Variants in MIA2 observed in about 807,000 individuals in gnomAD.
MIA2 encodes the protein melanoma inhibitory activity protein 2.
In MIA2, 127 loss-of-function variants were observed where a neutral mutation model predicts 167.8. The observed-to-expected ratio is 0.76, with a 90% CI of 0.66 to 0.88. MIA2 has a LOEUF of 0.88. Among genes scored for constraint, MIA2 ranks in the 40% least tolerant of loss-of-function variants. The probability of loss-of-function intolerance (pLI) is 0.00; values close to 1 mark genes in which losing one functional copy is unlikely to be tolerated. For missense variants in MIA2, 1,690 were observed against 1,624.7 expected (o/e 1.04, Z -0.69); for synonymous variants, 552 against 541.9 (o/e 1.02, Z -0.26).
intron 11 of MIA2, 58 bp from the exon 12 acceptor site, chr14:39,293,942 A>G (rs2061067679): frequency 7.6e-7 from 1 of 1,317,458 alleles, no homozygotes; most frequent in Non-Finnish European, 1.1e-6. Flanking sequence ...TCTAATAAAC[A>G]TGGCATTTTG....
At chr14:39,373,208 C>A (rs1377915855) in intron 23 of MIA2, among the ~76,000 whole-genome samples, 1 of 151,374 alleles carries the variant, frequency 6.6e-6, no homozygotes, top group African/African-American at 2.4e-5. Flanking sequence ...AGAAAATATT[C>A]CAGCATGTCA....
chr14:39,299,068 T>TAAAAA (rs3065043), intron 13 of MIA2, among the ~76,000 whole-genome samples: 37 of 44,022 alleles, frequency 8.4e-4, no homozygotes, highest in African/African-American at 2.8e-3. Context: ...TCCCTGCCTC[T>TAAAAA]AAAAAAAAAA....
intron 23 of MIA2, among the ~76,000 whole-genome samples, chr14:39,380,647 C>T (rs112653338): frequency 0.035 from 5,030 of 142,312 alleles, 291 homozygotes; most frequent in African/African-American, 0.12. Flanking sequence ...GAGCTGAGAT[C>T]GCACCACTGC....
intron 6 of MIA2, among the ~76,000 whole-genome samples, chr14:39,261,651 G>A (rs1006944088): frequency 4.6e-5 from 7 of 152,066 alleles, no homozygotes; most frequent in Non-Finnish European, 1.0e-4. Context: ...TCCAGCACCT[G>A]TTGTTTCCTG....
intron 24 of MIA2, among the ~76,000 whole-genome samples, chr14:39,325,449 C>G (rs982806058): frequency 6.7e-6 from 1 of 148,798 alleles, no homozygotes; most frequent in African/African-American, 2.5e-5. Flanking sequence ...CTCACTGCAA[C>G]CTCCTCCTCC....
At chr14:39,235,642 G>A (rs2053702031) in intron 1 of MIA2, among the ~76,000 whole-genome samples, 1 of 152,038 alleles carries the variant, frequency 6.6e-6, no homozygotes, top group South Asian at 2.1e-4. Flanking sequence ...AGCTGGGCAT[G>A]GTGGCACAAG....
At chr14:39,282,720 C>T (rs1241989504) in intron 9 of MIA2, among the ~76,000 whole-genome samples, 2 of 152,156 alleles carry the variant, frequency 1.3e-5, no homozygotes, top group Admixed American at 1.3e-4. Context: ...GCTACAGGCA[C>T]ATGATACATG....
intron 6 of MIA2, among the ~76,000 whole-genome samples, chr14:39,269,851 C>T (rs2056815002): frequency 6.6e-6 from 1 of 152,098 alleles, no homozygotes; most frequent in Non-Finnish European, 1.5e-5. Context: ...AAAAAATATT[C>T]CGTTGTGTGA....
intron 25 of MIA2, among the ~76,000 whole-genome samples, chr14:39,337,787 G>A (rs1471385611): frequency 6.6e-6 from 1 of 151,476 alleles, no homozygotes; most frequent in African/African-American, 2.4e-5. Context: ...GTGTAATCTC[G>A]GCTCACTGCA....
At chr14:39,302,425 C>T (rs1237880413) in intron 15 of MIA2, among the ~76,000 whole-genome samples, 176 bp downstream of exon 15, 1 of 152,218 alleles carries the variant, frequency 6.6e-6, no homozygotes, top group African/African-American at 2.4e-5. Context: ...AGCTGGAGCA[C>T]TGCCTTTTCA....
chr14:39,247,136 G>A lies in MIA2; in HGVS notation c.562G>A (p.Gly188Arg), dbSNP rs774797085. ...AGCATTAGAGGCTCCTGAAGATATC[G>A]GAAGTACCAGTGAATCAAAAGACTG... ...VPALEAPEDIGSTSESKDWEE... is the reference protein window; with the variant it reads ...VPALEAPEDIRSTSESKDWEE... The change falls in exon 4 of 29, where the codon GGA becomes AGA. Residue 188 changes from glycine (G) to arginine (R), a missense_variant. Transcript: ENST00000640607. The A allele has an allele frequency of 2.0e-5, 33 of 1,613,766 alleles. No individual in the cohort carries two copies. Among genetic ancestry groups the A allele is most frequent in the Non-Finnish European group, 2.5e-5 (29 of 1,179,986 alleles).
At chr14:39,365,046 C>CT (rs539298199) in intron 23 of MIA2, among the ~76,000 whole-genome samples, 19 of 150,914 alleles carry the variant, frequency 1.3e-4, no homozygotes, top group East Asian at 5.8e-4. Flanking sequence ...TTTTCTTTTT[C>CT]TTTTTTTTAA....
chr14:39,249,233 A>G (rs1018132219), intron 4 of MIA2, among the ~76,000 whole-genome samples: 2 of 152,070 alleles, frequency 1.3e-5, no homozygotes, highest in African/African-American at 4.8e-5. Flanking sequence ...CTCAATCTCC[A>G]GGGCTCAATC....
At chr14:39,375,526 TA>T (rs1289999135) in intron 23 of MIA2, among the ~76,000 whole-genome samples, 1 of 152,144 alleles carries the variant, frequency 6.6e-6, no homozygotes, top group Non-Finnish European at 1.5e-5. Flanking sequence ...CGAAACCCTG[TA>T]TCTACTAAAA....
chr14:39,350,136 CT>C lies in MIA2; in HGVS notation c.4113del (p.Pro1373GlnfsTer22). 3 of 1,389,322 alleles carry C rather than the reference CT, an allele frequency of 2.2e-6. No individual in the cohort carries two copies. The highest frequency in any genetic ancestry group is 2.9e-6 in the Non-Finnish European group (3 of 1,019,028). 86.1% of individuals were successfully genotyped at this position (1,389,322 alleles called of 1,614,324 possible). ...VYPPRGFPPY[L>X]PPRPGFFPPP... ...TCCACCGAGGGGTTTTCCTCCTTAC[CT>C]TCCCCCAAGACCTGGATTTTTCCCC... On this transcript the variant is annotated frameshift_variant, in exon 29 of 29. Coordinates refer to ENST00000640607, the MANE Select transcript of MIA2 (RefSeq NM_001329214.4). LOFTEE classifies it high-confidence loss of function.
chr14:39,386,662 G>C, intron 23 of MIA2: 1 of 1,114,174 alleles, frequency 9.0e-7, no homozygotes, highest in Non-Finnish European at 1.4e-6. Flanking sequence ...TTTGGTTCCA[G>C]ATCAAAGACC....
At chr14:39,238,570 G>A (rs952991730) in intron 2 of MIA2, among the ~76,000 whole-genome samples, 10 of 151,888 alleles carry the variant, frequency 6.6e-5, no homozygotes, top group Admixed American at 2.0e-4. Context: ...TAAAGTGGGC[G>A]GATCACTTGA....
At chr14:39,294,825 G>GT in intron 12 of MIA2, 100 bp from the exon 13 acceptor site, 1 of 787,380 alleles carries the variant, frequency 1.3e-6, no homozygotes, top group Non-Finnish European at 2.2e-6. Context: ...TATTGGCATG[G>GT]TTTTGCCTTT....
At chr14:39,320,902 T>C in intron 23 of MIA2, 26 bp from the exon 24 acceptor site, 1 of 1,604,882 alleles carries the variant, frequency 6.2e-7, no homozygotes, top group Non-Finnish European at 8.5e-7. Flanking sequence ...ACTATGAATT[T>C]AAATATGCTG....
Sources: gnomAD v4.1 joint callset for allele counts (sites outside exome capture counted in the v4.1 genomes callset) on GRCh38, gnomAD v4.1.1 for gene constraint, MANE v1.5 for transcripts, NCBI Gene and HGNC (gene_info 2026-07-23, HGNC 2026-07-21) for gene names.